Variants in PAPPA2 observed in about 807,000 individuals in gnomAD.
PAPPA2 encodes the protein pappalysin 2, also known as pappalysin-2.
Under a neutral mutation model 176.4 loss-of-function variants are expected in PAPPA2, and 86 were observed. The ratio of observed to expected loss-of-function variants is 0.49; its 90% CI spans 0.41 to 0.58. PAPPA2 has a LOEUF of 0.58. Ranked by LOEUF, PAPPA2 falls within the 20% of genes least tolerant of loss-of-function variation. PAPPA2 has a pLI of 0.00. For missense variants in PAPPA2, 2,073 were observed against 2,256.9 expected (o/e 0.92, Z 1.65); for synonymous variants, 809 against 852.2 (o/e 0.95, Z 0.88).
intron 2 of PAPPA2, among the ~76,000 whole-genome samples, chr1:176,567,767 G>A (rs112878875): frequency 3.0e-4 from 46 of 152,286 alleles, no homozygotes; most frequent in African/African-American, 1.1e-3. Context: ...GGTCCTGCCT[G>A]GATAAACCAA....
At chr1:176,809,749 G>A (rs1333258194) in intron 21 of PAPPA2, among the ~76,000 whole-genome samples, 1 of 152,114 alleles carries the variant, frequency 6.6e-6, no homozygotes, top group Non-Finnish European at 1.5e-5. Flanking sequence ...TTGAGGGGAT[G>A]TACTTCATTC....
intron 14 of PAPPA2, among the ~76,000 whole-genome samples, chr1:176,744,146 A>G (rs1248632357): frequency 5.3e-5 from 8 of 152,278 alleles, no homozygotes; most frequent in Admixed American, 2.0e-4. Flanking sequence ...AGTTAAGTAT[A>G]TAATTTTTTG....
intron 2 of PAPPA2, among the ~76,000 whole-genome samples, chr1:176,588,003 G>A (rs1010485107): frequency 5.9e-5 from 9 of 152,166 alleles, no homozygotes; most frequent in African/African-American, 2.2e-4. Flanking sequence ...ACTTTGGGCC[G>A]TATGGCCATT....
Position 176,670,993 on chromosome 1 carries a change from T to A in PAPPA2, c.2015T>A (p.Leu672Gln), listed in dbSNP as rs1367986985. Residue 672 changes from leucine to glutamine, a missense_variant, in exon 4 of 23, where the codon CTG (leucine) becomes CAG (glutamine). Transcript: ENST00000367662. The stretch of plus-strand genomic sequence containing the variant: ...AGGGCATACATGAGTGTGAAGGAGC[T>A]GAAGGAGGCCCTGCAGCTGAACAGT... Reference protein sequence around the residue: ...PKRAYMSVKELKEALQLNSTH... With the variant: ...PKRAYMSVKEQKEALQLNSTH... 6.2e-7 allele frequency: 1 copy of A among 1,613,886 alleles called. No individual in the cohort carries two copies. The highest frequency in any genetic ancestry group is 1.3e-5 in the African/African-American group (1 of 75,016).
chr1:176,535,345 C>T (rs1045117574), intron 1 of PAPPA2, among the ~76,000 whole-genome samples: 1 of 152,148 alleles, frequency 6.6e-6, no homozygotes, highest in Non-Finnish European at 1.5e-5. Flanking sequence ...AGCCCATACC[C>T]ACCCTATTTT....
At chr1:176,619,317 A>G (rs1241337444) in intron 3 of PAPPA2, among the ~76,000 whole-genome samples, 1 of 152,234 alleles carries the variant, frequency 6.6e-6, no homozygotes, top group Non-Finnish European at 1.5e-5. Context: ...AAAGCAACTT[A>G]TATCTACACA....
chr1:176,465,949 TG>T (rs1414534306), intron 1 of PAPPA2, among the ~76,000 whole-genome samples: 2 of 152,178 alleles, frequency 1.3e-5, no homozygotes, highest in Non-Finnish European at 2.9e-5. Flanking sequence ...TCAGACTTTT[TG>T]TTCATTCTCC....
intron 12 of PAPPA2, among the ~76,000 whole-genome samples, chr1:176,723,681 T>A (rs933799163): frequency 1.3e-5 from 2 of 152,130 alleles, no homozygotes; most frequent in Non-Finnish European, 2.9e-5. Flanking sequence ...TTGACTAAAA[T>A]CTTACTTGCC....
chr1:176,748,331 A>G (rs1047850753), intron 14 of PAPPA2, among the ~76,000 whole-genome samples: 3 of 152,236 alleles, frequency 2.0e-5, no homozygotes, highest in Non-Finnish European at 4.4e-5. Flanking sequence ...GGAAAAAAGC[A>G]TGAAGGAAAA....
At chr1:176,808,972 T>C in intron 21 of PAPPA2, among the ~76,000 whole-genome samples, 1 of 152,172 alleles carries the variant, frequency 6.6e-6, no homozygotes, top group East Asian at 1.9e-4. Context: ...CTTAAAATAC[T>C]CAATGAACTA....
chr1:176,696,143 CTCAGGGTGTGACT>C (rs1347637133), intron 7 of PAPPA2, among the ~76,000 whole-genome samples: 4 of 151,990 alleles, frequency 2.6e-5, no homozygotes, highest in African/African-American at 9.7e-5. Context: ...GTCAGCTGAA[CTCAGGGTGTGACT>C]TCAGGGTGAG....
intron 4 of PAPPA2, among the ~76,000 whole-genome samples, chr1:176,685,421 C>A (rs1254398574): frequency 6.6e-6 from 1 of 152,120 alleles, no homozygotes; most frequent in African/African-American, 2.4e-5. Context: ...CAAAGGCTAC[C>A]TTGTGAGAGA....
At chr1:176,814,088 G>T (rs1429030515) in intron 21 of PAPPA2, among the ~76,000 whole-genome samples, 1 of 152,100 alleles carries the variant, frequency 6.6e-6, no homozygotes, top group African/African-American at 2.4e-5. Flanking sequence ...AAGATCAGAT[G>T]GTTGTAGGTA....
chr1:176,516,543 A>G (rs572973155), intron 1 of PAPPA2, among the ~76,000 whole-genome samples: 140 of 152,276 alleles, frequency 9.2e-4, no homozygotes, highest in Non-Finnish European at 1.5e-3. Context: ...TTGGGTTATA[A>G]GTGCTCTGCC....
At chr1:176,601,510 G>T (rs1654320521) in intron 3 of PAPPA2, among the ~76,000 whole-genome samples, 1 of 152,146 alleles carries the variant, frequency 6.6e-6, no homozygotes, top group African/African-American at 2.4e-5. Context: ...TACTTATCAA[G>T]CTCTGGACTG....
At chr1:176,825,699 T>C (rs1666833266) in intron 21 of PAPPA2, among the ~76,000 whole-genome samples, 2 of 152,228 alleles carry the variant, frequency 1.3e-5, no homozygotes. Context: ...TGCAGATAAC[T>C]TTGATTATTG....
At chr1:176,623,730 T>TTCTTTC (rs1655812261) in intron 3 of PAPPA2, among the ~76,000 whole-genome samples, 7 of 114,438 alleles carry the variant, frequency 6.1e-5, no homozygotes, top group African/African-American at 2.5e-4. Flanking sequence ...TTCTTTCTCT[T>TTCTTTC]TCTTTCTTTC....
chr1:176,781,840 A>C (rs568765937), intron 17 of PAPPA2, among the ~76,000 whole-genome samples: 2 of 152,220 alleles, frequency 1.3e-5, no homozygotes, highest in Non-Finnish European at 1.5e-5. Context: ...TCTAGGTACC[A>C]CACTGTGTGT....
intron 21 of PAPPA2, among the ~76,000 whole-genome samples, chr1:176,836,261 G>A (rs747287848): frequency 7.2e-5 from 11 of 152,132 alleles, no homozygotes; most frequent in Non-Finnish European, 1.6e-4. Context: ...TGAAAACGAT[G>A]TGGAAAACAG....
Sources: allele counts gnomAD v4.1 joint callset (sites outside exome capture counted in the v4.1 genomes callset), GRCh38; gene constraint gnomAD v4.1.1; transcripts MANE v1.5; gene names NCBI Gene and HGNC (gene_info 2026-07-23, HGNC 2026-07-21).